Variants in KCNIP4 observed in about 807,000 individuals in gnomAD.
KCNIP4 encodes Kv channel-interacting protein 4.
KCNIP4 carries 12 observed loss-of-function variants against 34.0 expected under a neutral mutation model. The ratio of observed to expected loss-of-function variants is 0.35; its 90% CI spans 0.23 to 0.57. The LOEUF (loss-of-function observed/expected upper bound fraction) is 0.57. Among genes scored for constraint, KCNIP4 ranks in the 20% least tolerant of loss-of-function variants. KCNIP4 has a pLI of 0.83. For synonymous variants in KCNIP4, 124 were observed against 102.2 expected, an observed-to-expected ratio of 1.21 and a Z score of -1.29; for missense variants, 238 against 311.7, an observed-to-expected ratio of 0.76 and a Z score of 1.78.
intron 1 of KCNIP4, among the ~76,000 whole-genome samples, chr4:21,435,860 C>G (rs891979723): frequency 2.6e-5 from 4 of 152,116 alleles, no homozygotes; most frequent in Non-Finnish European, 5.9e-5. Context: ...TTCAGCTTTG[C>G]CACTGACCTT....
At chr4:21,869,199 C>A (rs1725612352) in intron 1 of KCNIP4, among the ~76,000 whole-genome samples, 1 of 152,040 alleles carries the variant, frequency 6.6e-6, no homozygotes, top group South Asian at 2.1e-4. Context: ...CTTATCATTT[C>A]TACCCCAATT....
chr4:21,474,602 C>T (rs377660197), intron 1 of KCNIP4, among the ~76,000 whole-genome samples: 4 of 152,184 alleles, frequency 2.6e-5, no homozygotes, highest in African/African-American at 9.6e-5. Context: ...AGTGATCATA[C>T]CTTTCTGCAG....
chr4:21,024,837 T>G (rs6825103), intron 1 of KCNIP4, among the ~76,000 whole-genome samples: 16,955 of 152,244 alleles, frequency 0.11, 994 homozygotes, highest in Middle Eastern at 0.18. Flanking sequence ...TCTCAAATCT[T>G]AGAAAATGTA....
At chr4:21,082,767 A>T (rs1256634379) in intron 1 of KCNIP4, among the ~76,000 whole-genome samples, 1 of 151,836 alleles carries the variant, frequency 6.6e-6, no homozygotes, top group African/African-American at 2.4e-5. Context: ...CAAAAGAAAA[A>T]TATGCTCATG....
intron 1 of KCNIP4, among the ~76,000 whole-genome samples, chr4:21,690,513 C>T (rs532219075): frequency 4.6e-5 from 7 of 152,212 alleles, no homozygotes; most frequent in Non-Finnish European, 8.8e-5. Flanking sequence ...ACCTCCTCTC[C>T]TCTTGCTTCC....
intron 1 of KCNIP4, among the ~76,000 whole-genome samples, chr4:21,186,788 G>A (rs1400464120): frequency 6.6e-6 from 1 of 152,084 alleles, no homozygotes; most frequent in Non-Finnish European, 1.5e-5. Context: ...GGGACTACAG[G>A]CATATGCCAC....
intron 1 of KCNIP4, among the ~76,000 whole-genome samples, chr4:21,366,071 T>G (rs1381811043): frequency 1.3e-5 from 2 of 152,174 alleles, no homozygotes; most frequent in Admixed American, 6.5e-5. Flanking sequence ...AAGCATTAGA[T>G]TTAAGGCTTA....
intron 3 of KCNIP4, among the ~76,000 whole-genome samples, chr4:20,809,220 C>T (rs1715433640): frequency 6.6e-6 from 1 of 152,172 alleles, no homozygotes; most frequent in Non-Finnish European, 1.5e-5. Flanking sequence ...TTGGAAACCA[C>T]TCTGACAGAT....
chr4:21,740,608 A>G (rs941841273), intron 1 of KCNIP4, among the ~76,000 whole-genome samples: 3 of 152,186 alleles, frequency 2.0e-5, no homozygotes, highest in Non-Finnish European at 1.5e-5. Flanking sequence ...TGACAGACTT[A>G]CATTCAAATC....
intron 1 of KCNIP4, among the ~76,000 whole-genome samples, chr4:20,995,092 C>T (rs1002617414): frequency 6.6e-6 from 1 of 152,152 alleles, no homozygotes; most frequent in African/African-American, 2.4e-5. Context: ...CTTTCTCTCA[C>T]TTGTTCTTTA....
intron 1 of KCNIP4, among the ~76,000 whole-genome samples, chr4:21,796,480 TC>T (rs1720633446): frequency 6.6e-6 from 1 of 152,170 alleles, no homozygotes; most frequent in African/African-American, 2.4e-5. Flanking sequence ...CTCTCTCTGG[TC>T]ATATAGACAC....
intron 1 of KCNIP4, among the ~76,000 whole-genome samples, chr4:21,915,460 C>T (rs1007001290): frequency 1.3e-5 from 2 of 152,100 alleles, no homozygotes; most frequent in African/African-American, 4.8e-5. Context: ...TTTTGAGTTC[C>T]AAGAGGAAAA....
intron 1 of KCNIP4, among the ~76,000 whole-genome samples, chr4:21,382,995 G>T (rs577056665): frequency 2.3e-4 from 35 of 152,290 alleles, no homozygotes; most frequent in African/African-American, 7.9e-4. Flanking sequence ...TAAAGAGGTA[G>T]TTAAGTTAAA....
chr4:21,168,024 A>G (rs977283103), intron 1 of KCNIP4, among the ~76,000 whole-genome samples: 8 of 152,200 alleles, frequency 5.3e-5, no homozygotes, highest in Non-Finnish European at 7.3e-5. Flanking sequence ...CATTACAAAG[A>G]TGGTCTGCTT....
chr4:20,894,004 C>T (rs565960218), intron 1 of KCNIP4, among the ~76,000 whole-genome samples: 174 of 152,186 alleles, frequency 1.1e-3, no homozygotes, highest in Middle Eastern at 3.4e-3. Flanking sequence ...CCTCAGCCAC[C>T]GGAGTAGCTG....
intron 1 of KCNIP4, among the ~76,000 whole-genome samples, chr4:20,901,469 T>C (rs1451421246): frequency 1.3e-5 from 2 of 152,202 alleles, no homozygotes; most frequent in African/African-American, 4.8e-5. Context: ...GCACATTAAA[T>C]TGTGAAAAGC....
intron 1 of KCNIP4, among the ~76,000 whole-genome samples, chr4:21,141,728 A>G (rs1751966277): frequency 6.6e-6 from 1 of 152,198 alleles, no homozygotes; most frequent in South Asian, 2.1e-4. Flanking sequence ...TCAATGTAAA[A>G]GAAATGATGC....
At chr4:21,140,523 TAA>T (rs1751865706) in intron 1 of KCNIP4, among the ~76,000 whole-genome samples, 2 of 152,292 alleles carry the variant, frequency 1.3e-5, no homozygotes, top group South Asian at 4.1e-4. Context: ...GATTTTAATT[TAA>T]AACTTTATGC....
intron 1 of KCNIP4, among the ~76,000 whole-genome samples, chr4:21,310,841 G>T (rs1020058788): frequency 2.0e-5 from 3 of 151,734 alleles, no homozygotes; most frequent in Admixed American, 1.3e-4. Context: ...TGTTAGCCAG[G>T]ACGGTCTGGA....
Sources: allele counts gnomAD v4.1 joint callset (sites outside exome capture counted in the v4.1 genomes callset), GRCh38; gene constraint gnomAD v4.1.1; transcripts MANE v1.5; gene names NCBI Gene and HGNC (gene_info 2026-07-23, HGNC 2026-07-21).